The following SLC9A9 variants were observed in gnomAD, a reference collection of about 807,000 sequenced individuals.
The protein encoded by SLC9A9 is solute carrier family 9 member A9, also known as sodium/hydrogen exchanger 9.
SLC9A9 carries 62 observed loss-of-function variants against 77.8 expected under a neutral mutation model. The ratio of observed to expected loss-of-function variants is 0.80; its 90% CI spans 0.65 to 0.98. The LOEUF is 0.98. Ranked by LOEUF, SLC9A9 falls within the 50% of genes least tolerant of loss-of-function variation. The pLI is 0.00. For synonymous variants in SLC9A9, 320 were observed against 283.5 expected (o/e 1.13, Z -1.29); for missense variants, 775 against 774.9 (o/e 1.00, Z 0.00).
intron 14 of SLC9A9, among the ~76,000 whole-genome samples, chr3:143,301,572 C>A (rs1306832083): frequency 6.6e-6 from 1 of 152,152 alleles, no homozygotes; most frequent in Admixed American, 6.5e-5. Flanking sequence ...CCATCCTCTG[C>A]AGAAGATGAG....
chr3:143,642,944 T>C (rs1223325790), intron 6 of SLC9A9, among the ~76,000 whole-genome samples: 2 of 152,204 alleles, frequency 1.3e-5, no homozygotes, highest in African/African-American at 4.8e-5. Context: ...GTCTCTTTAG[T>C]GTGCTCATTT....
intron 2 of SLC9A9, among the ~76,000 whole-genome samples, chr3:143,810,791 C>T (rs772994862): frequency 6.6e-6 from 1 of 151,906 alleles, no homozygotes; most frequent in African/African-American, 2.4e-5. Context: ...ATTTAACAAC[C>T]CTCTTTTTGC....
At chr3:143,326,555 G>A (rs915822814) in intron 14 of SLC9A9, among the ~76,000 whole-genome samples, 1 of 151,998 alleles carries the variant, frequency 6.6e-6, no homozygotes, top group African/African-American at 2.4e-5. Flanking sequence ...GCCTTTGCAT[G>A]TGCTGGTCCT....
Position 143,797,881 on chromosome 3 carries a change from A to T in SLC9A9, c.379-978T>A, listed in dbSNP as rs535908748. ...CAGCCCACCTGCACCCAGGTGATTA[A>T]AAAGCTTTATTGCTCACACAAAGCC... On this transcript the variant is annotated intron_variant, in intron 2 of 15. Transcript: ENST00000316549. 2.8e-3 allele frequency among the ~76,000 whole-genome samples: 427 copies of T among 152,274 alleles called. 1 individual carries two copies. Among genetic ancestry groups the T allele is most frequent in the Non-Finnish European group, 3.7e-3 (255 of 68,018 alleles).
chr3:143,268,732 CAAAAAAAAAA>C (rs11312794), intron 15 of SLC9A9, 133 bp downstream of exon 15: 156 of 236,904 alleles, frequency 6.6e-4, no homozygotes, highest in Non-Finnish European at 7.2e-4. Flanking sequence ...GACTCCGTCT[CAAAAAAAAAA>C]AAAAAAAAAA....
intron 4 of SLC9A9, among the ~76,000 whole-genome samples, chr3:143,707,095 A>C (rs1257615051): frequency 6.6e-6 from 1 of 152,102 alleles, no homozygotes; most frequent in Non-Finnish European, 1.5e-5. Flanking sequence ...AGGACATTTG[A>C]CCATCCCAAA....
chr3:143,349,433 A>G (rs2032389395), intron 14 of SLC9A9, among the ~76,000 whole-genome samples: 1 of 152,178 alleles, frequency 6.6e-6, no homozygotes. Flanking sequence ...CCATCAACTC[A>G]CATCCTTTAA....
chr3:143,836,214 T>C (rs886101130), intron 1 of SLC9A9, among the ~76,000 whole-genome samples: 1 of 152,262 alleles, frequency 6.6e-6, no homozygotes, highest in Non-Finnish European at 1.5e-5. Context: ...ATAGCATTTA[T>C]TGTTTGAACC....
At chr3:143,557,498 T>A (rs577651336) in intron 8 of SLC9A9, among the ~76,000 whole-genome samples, 1 of 152,234 alleles carries the variant, frequency 6.6e-6, no homozygotes, top group Non-Finnish European at 1.5e-5. Flanking sequence ...GTGGGAAAGT[T>A]CAGAACTTCC....
intron 6 of SLC9A9, among the ~76,000 whole-genome samples, chr3:143,629,366 A>G (rs537633317): frequency 1.3e-5 from 2 of 152,336 alleles, no homozygotes; most frequent in African/African-American, 2.4e-5. Context: ...TTTAAAATAT[A>G]TTAGGGAATA....
intron 6 of SLC9A9, chr3:143,627,741 T>C (rs2038357018): frequency 6.5e-6 from 1 of 153,368 alleles, no homozygotes; most frequent in African/African-American, 2.4e-5. Context: ...CTCCTTTTCA[T>C]TGTTGCTGTC....
chr3:143,510,995 A>G (rs2036107007), intron 9 of SLC9A9, among the ~76,000 whole-genome samples: 1 of 152,228 alleles, frequency 6.6e-6, no homozygotes, highest in Non-Finnish European at 1.5e-5. Flanking sequence ...TTAAATCTTT[A>G]GAATGAAGCA....
In SLC9A9 at chr3:143,832,115, C is replaced by G. The variant is rs754666214; in HGVS notation, c.282G>C (p.Leu94=). 6.2e-7 allele frequency: 1 copy of G among 1,613,040 alleles called. No homozygotes were observed. Among genetic ancestry groups the G allele is most frequent in the South Asian group, 1.1e-5 (1 of 91,058 alleles). ...CATAAACTTGGTCAGTGATATTAAC[C>G]AGCAGAGTTGATGGACTGAAAGTTA... ...VKLTFSPSTL[L]VNITDQVYEY... The change falls in exon 2 of 16, where the codon CTG becomes CTC. Residue 94 remains leucine, a synonymous_variant. Coordinates refer to ENST00000316549, the MANE Select transcript of SLC9A9 (RefSeq NM_173653.4).
chr3:143,738,294 G>T (rs1934994080), intron 4 of SLC9A9, among the ~76,000 whole-genome samples: 1 of 152,124 alleles, frequency 6.6e-6, no homozygotes, highest in African/African-American at 2.4e-5. Flanking sequence ...ATAGTCACAA[G>T]ATTTCCTACA....
At chr3:143,518,533 T>G (rs2036242395) in intron 9 of SLC9A9, among the ~76,000 whole-genome samples, 1 of 152,256 alleles carries the variant, frequency 6.6e-6, no homozygotes. Context: ...GTAATTACTG[T>G]CCTAAATTTT....
At chr3:143,498,140 T>C (rs1203475517) in intron 9 of SLC9A9, among the ~76,000 whole-genome samples, 2 of 152,270 alleles carry the variant, frequency 1.3e-5, no homozygotes, top group African/African-American at 4.8e-5. Context: ...CAAGTAACTG[T>C]GTACATACAC....
At chr3:143,607,377 G>C (rs1200967839) in intron 6 of SLC9A9, among the ~76,000 whole-genome samples, 1 of 152,058 alleles carries the variant, frequency 6.6e-6, no homozygotes, top group Non-Finnish European at 1.5e-5. Flanking sequence ...CAAACAAACT[G>C]TTAAACATGT....
At chr3:143,423,851 T>C (rs1232395544) in intron 12 of SLC9A9, among the ~76,000 whole-genome samples, 1 of 152,216 alleles carries the variant, frequency 6.6e-6, no homozygotes, top group Non-Finnish European at 1.5e-5. Flanking sequence ...TGCCAACTGA[T>C]GGCATGTGAC....
chr3:143,435,968 GA>G (rs2034614743), intron 12 of SLC9A9, among the ~76,000 whole-genome samples: 3 of 152,312 alleles, frequency 2.0e-5, no homozygotes, highest in African/African-American at 7.2e-5. Context: ...ATGTAGAAAG[GA>G]AAATTACAGA....
Sources: allele counts gnomAD v4.1 joint callset (sites outside exome capture counted in the v4.1 genomes callset), GRCh38; gene constraint gnomAD v4.1.1; transcripts MANE v1.5; gene names NCBI Gene and HGNC (gene_info 2026-07-23, HGNC 2026-07-21).